The following ZFP28 variants were observed in gnomAD, a reference collection of about 807,000 sequenced individuals.
The protein encoded by ZFP28 is zinc finger protein 28 homolog.
ZFP28 carries 31 observed loss-of-function variants against 39.5 expected under a neutral mutation model. The observed-to-expected ratio is 0.79, with a 90% CI of 0.59 to 1.06. ZFP28 has a LOEUF of 1.06. ZFP28 is among the 50% of genes least tolerant of loss of function. The pLI is 0.00. For missense variants in ZFP28, 925 were observed against 1,048.4 expected, an observed-to-expected ratio of 0.88 and a Z score of 1.63; for synonymous variants, 400 against 378.6, an observed-to-expected ratio of 1.06 and a Z score of -0.66.
Position 56,554,559 on chromosome 19 carries a change from A to G in ZFP28, c.1774A>G (p.Lys592Glu), listed in dbSNP as rs1165686099. The part of the protein sequence containing the change: ...VHSGEKPFKC[K>E]ECGKAFRQNI... The stretch of plus-strand genomic sequence containing the variant: ...TTCTGGAGAAAAGCCTTTTAAGTGT[A>G]AAGAGTGCGGAAAAGCTTTTAGGCA... Residue 592 changes from lysine (K) to glutamate (E), a missense_variant, in exon 8 of 8, where the codon AAA becomes GAA. By Grantham distance (56) the Lys-to-Glu change is moderately conservative. Transcript: ENST00000301318. The surrounding 1 kb of genome is among the most constrained non-coding windows in gnomAD (Gnocchi z 6.7). 6.2e-7 allele frequency: 1 copy of G among 1,614,076 alleles called. No individual in the cohort carries two copies. The highest frequency in any genetic ancestry group is 8.5e-7 in the Non-Finnish European group (1 of 1,180,038).
At chr19:56,549,529 T>A (rs893490751) in intron 5 of ZFP28, among the ~76,000 whole-genome samples, 1 of 152,014 alleles carries the variant, frequency 6.6e-6, no homozygotes, top group Non-Finnish European at 1.5e-5. Context: ...TACAAAAAAT[T>A]AGCCGGGCGT....
chr19:56,555,585 C>T lies in ZFP28; in HGVS notation c.*193C>T. On this transcript the variant is annotated 3_prime_UTR_variant, in exon 8 of 8. Transcript: ENST00000301318. ...AGATGTGCTCAGCACAGTGCCTGGT[C>T]CATAGTAAGTGCTCAGTAAACTTAG... 1 of 713,234 alleles carries T rather than the reference C, an allele frequency of 1.4e-6. No individual in the cohort carries two copies. Among genetic ancestry groups the T allele is most frequent in the South Asian group, 2.5e-5 (1 of 39,270 alleles). The allele number at this position is 713,234 out of a possible 1,614,324, so 44.2% of individuals were successfully genotyped here.
At chr19:56,550,665 A>G (rs2044292142) in intron 7 of ZFP28, 60 bp downstream of exon 7, 1 of 1,609,222 alleles carries the variant, frequency 6.2e-7, no homozygotes, top group Admixed American at 1.7e-5. Flanking sequence ...AGCTTTTACC[A>G]AAAAGGCTGC....
rs776141590 is a variant in ZFP28, at chr19:56,554,027, T to G, written c.1242T>G (p.Tyr414Ter). The change falls in exon 8 of 8, where the codon TAT (tyrosine) becomes TAG (stop). Residue 414 changes from tyrosine to a stop codon, truncating the protein, a stop_gained. Coordinates refer to ENST00000301318, the MANE Select transcript of ZFP28 (RefSeq NM_020828.2). LOFTEE classifies it low-confidence loss of function (END_TRUNC). The surrounding 1 kb of genome is among the most constrained non-coding windows in gnomAD (Gnocchi z 6.7). ...TGGTAATAAAACAAACAGGCATCTATGCAGGAAAAAAGCTTTTCAAGTGTA... is the reference window on the plus strand; with the variant it reads ...TGGTAATAAAACAAACAGGCATCTAGGCAGGAAAAAAGCTTTTCAAGTGTA... The part of the protein sequence containing the change: ...SSVVIKQTGI[Y>*]AGKKLFKCNE... 6.2e-7 allele frequency: 1 copy of G among 1,613,732 alleles called. No homozygotes were observed. Among genetic ancestry groups the G allele is most frequent in the South Asian group, 1.1e-5 (1 of 90,930 alleles).
intron 2 of ZFP28, among the ~76,000 whole-genome samples, chr19:56,544,126 G>C (rs1217458552): frequency 6.6e-6 from 1 of 152,262 alleles, no homozygotes; most frequent in African/African-American, 2.4e-5. Flanking sequence ...GGACTTACTA[G>C]TGTTAGCTGG....
At position 56,556,386 on chromosome 19, in the gene ZFP28, T is replaced by C. The variant is rs1057186913; in HGVS notation, c.*994T>C. 4 of 152,334 alleles carry C rather than the reference T, an allele frequency of 2.6e-5. No homozygotes were observed. The highest frequency in any genetic ancestry group is 1.3e-4 in the Admixed American group (2 of 15,302). The allele number at this position is 152,334 out of a possible 1,614,324, so 9.4% of individuals were successfully genotyped here. ...GCCTGCAGAGCCCAAATATCTACTGTCTGATCCTACACAGAAAATGTGTGT... is the reference window on the plus strand; with the variant it reads ...GCCTGCAGAGCCCAAATATCTACTGCCTGATCCTACACAGAAAATGTGTGT... On this transcript the variant is annotated 3_prime_UTR_variant, in exon 8 of 8. Transcript: ENST00000301318.
chr19:56,554,993 G>C lies in ZFP28; in HGVS notation c.2208G>C (p.Lys736Asn), dbSNP rs150863431. The C allele has an allele frequency of 1.1e-4, 170 of 1,614,004 alleles. No individual in the cohort carries two copies. Among genetic ancestry groups the C allele is most frequent in the Non-Finnish European group, 1.3e-4 (159 of 1,180,044 alleles). The change falls in exon 8 of 8, where the codon AAG becomes AAC. Residue 736 changes from lysine to asparagine, a missense_variant. Around this residue, in one of 2 missense-constraint regions of ZFP28, gnomAD observed 369 missense variants for 505.5 expected, o/e 0.73. Coordinates refer to ENST00000301318, the MANE Select transcript of ZFP28 (RefSeq NM_020828.2). This position sits in a 1 kb window ranked among gnomAD's most constrained non-coding sequence, Gnocchi z 6.7. ...QRPYECIECGKAFKTKSSLIC... is the reference protein window; with the variant it reads ...QRPYECIECGNAFKTKSSLIC... ...CTTATGAATGTATTGAGTGTGGAAA[G>C]GCATTCAAGACAAAATCCTCCCTTA...
chr19:56,554,286 G>A lies in ZFP28; in HGVS notation c.1501G>A (p.Gly501Arg). Residue 501 changes from glycine to arginine, a missense_variant, in exon 8 of 8, where the codon GGG becomes AGG. By Grantham distance (125) the Gly-to-Arg change is moderately radical (BLOSUM62 -2). Transcript: ENST00000301318. This position sits in a 1 kb window ranked among gnomAD's most constrained non-coding sequence, Gnocchi z 6.7. ...CCGTCACTGGAGATACTATCATACTGGGGAGAAACCCTTTGATTGCATCGA... is the reference window on the plus strand; with the variant it reads ...CCGTCACTGGAGATACTATCATACTAGGGAGAAACCCTTTGATTGCATCGA... Reference protein sequence around the residue: ...LIRHWRYYHTGEKPFDCIDCG... With the variant: ...LIRHWRYYHTREKPFDCIDCG... 1 of 1,614,146 alleles carries A rather than the reference G, an allele frequency of 6.2e-7. No individual in the cohort carries two copies. The highest frequency in any genetic ancestry group is 8.5e-7 in the Non-Finnish European group (1 of 1,180,026).
At chr19:56,538,927 G>GCT, upstream of ZFP28, 1 of 1,128,986 alleles carries the variant, frequency 8.9e-7, no homozygotes, top group Admixed American at 4.4e-5. Flanking sequence ...GAGCGCGCGC[G>GCT]GGGCTGTTCG....
rs1286648224 is a variant in ZFP28 at position 56,549,042 on chromosome 19, A to G, written c.608A>G (p.Glu203Gly). The G allele has an allele frequency of 4.3e-6, 7 of 1,614,144 alleles. No individual in the cohort carries two copies. Among genetic ancestry groups the G allele is most frequent in the Admixed American group, 1.7e-5 (1 of 60,012 alleles). The part of the protein sequence containing the change: ...EGKLSQAVIT[E>G]RLTSYNLEYS... ...AAGCTATCCCAGGCAGTGATAACAG[A>G]GAGACTCACAAGCTATAATCTGGAG... The change falls in exon 5 of 8, where the codon GAG (glutamate) becomes GGG (glycine). Residue 203 changes from glutamate (E) to glycine (G), a missense_variant. Transcript: ENST00000301318.
At chr19:56,541,702 C>T (rs760781087) in intron 2 of ZFP28, among the ~76,000 whole-genome samples, 2 of 151,952 alleles carry the variant, frequency 1.3e-5, no homozygotes, top group Non-Finnish European at 2.9e-5. Context: ...CTGTTCTTCA[C>T]ATCCCTCTTC....
At chr19:56,553,163 T>G (rs541560240) in intron 7 of ZFP28, 1 of 152,184 alleles carries the variant, frequency 6.6e-6, no homozygotes, top group South Asian at 2.1e-4. Flanking sequence ...CATTATAGAA[T>G]GGCCAGAGAA....
chr19:56,538,933 G>A, upstream of ZFP28: 1 of 1,172,744 alleles, frequency 8.5e-7, no homozygotes, highest in Non-Finnish European at 1.1e-6. Flanking sequence ...GCGCGGGGCT[G>A]TTCGCTGGGC....
intron 2 of ZFP28, among the ~76,000 whole-genome samples, chr19:56,543,907 GT>G (rs2044217758): frequency 6.6e-6 from 1 of 152,212 alleles, no homozygotes; most frequent in South Asian, 2.1e-4. Context: ...TTTAATAGAA[GT>G]AGAATGGCAA....
intron 7 of ZFP28, chr19:56,551,581 G>C: frequency 2.0e-6 from 2 of 985,192 alleles, no homozygotes; most frequent in Non-Finnish European, 2.4e-6. Context: ...CTGTATTCCT[G>C]GATATGAGCA....
At chr19:56,537,929 A>G (rs184347493), upstream of ZFP28, 4 of 152,362 alleles carry the variant, frequency 2.6e-5, no homozygotes, top group East Asian at 7.7e-4. Flanking sequence ...AACATGTTCA[A>G]GAATAAATCC....
chr19:56,543,691 A>AT (rs2044216194), intron 2 of ZFP28, among the ~76,000 whole-genome samples: 1 of 152,178 alleles, frequency 6.6e-6, no homozygotes, highest in Admixed American at 6.5e-5. Flanking sequence ...TGAAGTCTGC[A>AT]TATTTATGTT....
chr19:56,549,854 A>G (rs1390305642), intron 5 of ZFP28, among the ~76,000 whole-genome samples: 6 of 152,200 alleles, frequency 3.9e-5, no homozygotes, highest in Non-Finnish European at 8.8e-5. Context: ...CAAACTCTCC[A>G]TAGCAGAAAG....
chr19:56,549,549 C>G (rs962216337), intron 5 of ZFP28, among the ~76,000 whole-genome samples: 2 of 151,984 alleles, frequency 1.3e-5, no homozygotes, highest in South Asian at 4.2e-4. Flanking sequence ...TGCTGGCGGG[C>G]GCCTGTAGTC....
Sources: gnomAD v4.1 joint callset for allele counts (sites outside exome capture counted in the v4.1 genomes callset) on GRCh38, gnomAD v4.1.1 for gene constraint, gnomAD v4.1.1 regional missense constraint, Gnocchi (gnomAD v3.1) non-coding constraint, MANE v1.5 for transcripts, NCBI Gene and HGNC (gene_info 2026-07-23, HGNC 2026-07-21) for gene names.